SPAST: variants seen among roughly 807,000 people sequenced by gnomAD.
The protein encoded by SPAST is spastin.
In SPAST, 30 loss-of-function variants were observed where a neutral mutation model predicts 76.6. That is an observed-to-expected ratio of 0.39 (90% CI 0.29 to 0.53). SPAST has a LOEUF of 0.53. Ranked by LOEUF, SPAST falls within the 20% of genes least tolerant of loss-of-function variation. The pLI is 0.68. For synonymous variants in SPAST, 305 were observed against 281.0 expected (o/e 1.09, Z -0.86); for missense variants, 717 against 770.5 (o/e 0.93, Z 0.82).
In SPAST at chr2:32,081,248, C is replaced by T. The variant is rs1189629474; in HGVS notation, c.416-6244C>T. ...CTGGGATTACAGGCGTGAGCCACCT[C>T]ACCTGGCGTTTTTTTGTGTGTGTTT... On this transcript the variant is annotated intron_variant, in intron 1 of 16. Coordinates refer to ENST00000315285, the MANE Select transcript of SPAST (RefSeq NM_014946.4). 2.0e-5 allele frequency among the ~76,000 whole-genome samples: 3 copies of T among 152,050 alleles called. 1 individual carries two copies.
At chr2:32,104,089 G>A (rs1678226429) in intron 4 of SPAST, among the ~76,000 whole-genome samples, 1 of 152,130 alleles carries the variant, frequency 6.6e-6, no homozygotes, top group Admixed American at 6.5e-5. Flanking sequence ...GGGAGTCTAA[G>A]TCTCTTTGTA....
intron 3 of SPAST, among the ~76,000 whole-genome samples, chr2:32,094,694 G>C (rs977319853): frequency 3.9e-5 from 6 of 152,234 alleles, no homozygotes; most frequent in African/African-American, 2.4e-5. Context: ...AAGCAGCCCA[G>C]TGCAGTGGCT....
At position 32,063,561 on chromosome 2, in the gene SPAST, C is replaced by G. The variant is rs1304370107; in HGVS notation, c.-271C>G. 2.0e-6 allele frequency: 1 copy of G among 497,716 alleles called. No homozygotes were observed. Among genetic ancestry groups the G allele is most frequent in the Admixed American group, 3.9e-5 (1 of 25,436 alleles). The allele number at this position is 497,716 out of a possible 1,614,324, so 30.8% of individuals were successfully genotyped here. On this transcript the variant is annotated 5_prime_UTR_variant, in exon 1 of 17. Coordinates refer to ENST00000315285, the MANE Select transcript of SPAST (RefSeq NM_014946.4). ...ACGGGAAGACGTGCGCGTGCGCGGCCGCCGCTGGGAGCCACCAGGCGGCGG... is the reference window on the plus strand; with the variant it reads ...ACGGGAAGACGTGCGCGTGCGCGGCGGCCGCTGGGAGCCACCAGGCGGCGG...
intron 1 of SPAST, among the ~76,000 whole-genome samples, chr2:32,085,587 TATA>T (rs1677443170): frequency 6.6e-6 from 1 of 152,180 alleles, no homozygotes; most frequent in African/African-American, 2.4e-5. Flanking sequence ...AGCCGTAGTA[TATA>T]ATACTGATAA....
chr2:32,108,115 A>G (rs1678394668), intron 4 of SPAST, among the ~76,000 whole-genome samples: 1 of 152,196 alleles, frequency 6.6e-6, no homozygotes, highest in Non-Finnish European at 1.5e-5. Flanking sequence ...AAAGACTTCA[A>G]AGCAGCTATT....
chr2:32,123,539 T>G (rs1271338338), intron 7 of SPAST, among the ~76,000 whole-genome samples: 1 of 152,098 alleles, frequency 6.6e-6, no homozygotes, highest in Non-Finnish European at 1.5e-5. Context: ...AAAGTTTATA[T>G]GAAAAGGCAA....
At chr2:32,090,591 A>G (rs574696524) in intron 3 of SPAST, among the ~76,000 whole-genome samples, 68 of 152,302 alleles carry the variant, frequency 4.5e-4, no homozygotes, top group African/African-American at 1.6e-3. Flanking sequence ...TCAAAATTTA[A>G]TAATTTTTAC....
At position 32,115,753 on chromosome 2, in the gene SPAST, A is replaced by G; in HGVS notation, c.922A>G (p.Thr308Ala). 1 of 1,611,274 alleles carries G rather than the reference A, an allele frequency of 6.2e-7. No individual in the cohort carries two copies. Among genetic ancestry groups the G allele is most frequent in the Non-Finnish European group, 8.5e-7 (1 of 1,177,776 alleles). ...TNKPSTPTTATRKKKDLKNFR... is the reference protein window; with the variant it reads ...TNKPSTPTTAARKKKDLKNFR... ...TAAACCTTCTACCCCTACAACTGCTACTCGTAAGAAAAAAGACTTGAAGAA... is the reference window on the plus strand; with the variant it reads ...TAAACCTTCTACCCCTACAACTGCTGCTCGTAAGAAAAAAGACTTGAAGAA... Residue 308 changes from threonine to alanine, a missense_variant, in exon 6 of 17, where the codon ACT becomes GCT. Transcript: ENST00000315285.
chr2:32,147,300 G>A (rs1558343300), intron 16 of SPAST, 42 bp downstream of exon 16: 4 of 952,398 alleles, frequency 4.2e-6, no homozygotes, highest in South Asian at 2.6e-5. Context: ...CTTCTATATT[G>A]TAAGACATAT....
chr2:32,078,001 G>A (rs1277229321), intron 1 of SPAST: 1 of 150,804 alleles, frequency 6.6e-6, no homozygotes, highest in African/African-American at 2.4e-5. Context: ...GTTTTGTTTT[G>A]TTTTTTTGAG....
chr2:32,148,422 AGCACTTT>A (rs1184806269), intron 16 of SPAST, among the ~76,000 whole-genome samples: 1 of 152,016 alleles, frequency 6.6e-6, no homozygotes, highest in Non-Finnish European at 1.5e-5. Context: ...CTGTAATCCC[AGCACTTT>A]GGGAGGCCGA....
intron 4 of SPAST, among the ~76,000 whole-genome samples, chr2:32,105,137 G>C (rs1452967785): frequency 6.6e-6 from 1 of 152,104 alleles, no homozygotes; most frequent in Non-Finnish European, 1.5e-5. Flanking sequence ...ATTTCTTGGA[G>C]GTTCTGTTCG....
intron 7 of SPAST, among the ~76,000 whole-genome samples, chr2:32,118,795 T>C (rs953393137): frequency 4.6e-5 from 7 of 152,114 alleles, no homozygotes; most frequent in South Asian, 2.1e-4. Context: ...GACATGCTTT[T>C]TACGGTAGAA....
Position 32,155,120 on chromosome 2 carries a change from T to C in SPAST, c.*624T>C, listed in dbSNP as rs1680212096. ...CAATTGTTGTGTTCTTTTTACCTTT[T>C]ATTTTTCTATTACCTTGCTACCAAA... On this transcript the variant is annotated 3_prime_UTR_variant, in exon 17 of 17. Transcript: ENST00000315285. 6.5e-6 allele frequency: 1 copy of C among 153,128 alleles called. No individual in the cohort carries two copies. The highest frequency in any genetic ancestry group is 2.1e-4 in the South Asian group (1 of 4,860). The allele number at this position is 153,128 out of a possible 1,614,324, so 9.5% of individuals were successfully genotyped here. A position where few individuals can be genotyped will look rare whatever the true frequency, so the allele number is the denominator to read the frequency against.
intron 1 of SPAST, among the ~76,000 whole-genome samples, chr2:32,071,982 G>A (rs919506973): frequency 6.6e-6 from 1 of 152,202 alleles, no homozygotes; most frequent in African/African-American, 2.4e-5. Flanking sequence ...AAGCTTTGCA[G>A]GGCCATTTCA....
rs200669185 is a variant in SPAST at position 32,096,880 on chromosome 2, CA to C, written c.587-1903del. ...AAATCAGATGACCAACCTGTTAGCTCAAAAAAAAAAAAACCTCCAAGGTATA... is the reference window on the plus strand; with the variant it reads ...AAATCAGATGACCAACCTGTTAGCTCAAAAAAAAAAAACCTCCAAGGTATA... On this transcript the variant is annotated intron_variant, in intron 3 of 16. Transcript: ENST00000315285. Among the ~76,000 whole-genome samples, 350 of 133,062 alleles carry C rather than the reference CA, an allele frequency of 2.6e-3. 5 individuals carry two copies. The East Asian group carries it at 0.036, about 14-fold the overall frequency. 87.3% of individuals were successfully genotyped at this position (133,062 alleles called of 152,430 possible). A position where few individuals can be genotyped will look rare whatever the true frequency, so the allele number is the denominator to read the frequency against.
At chr2:32,083,237 T>G (rs1426727054) in intron 1 of SPAST, among the ~76,000 whole-genome samples, 1 of 152,166 alleles carries the variant, frequency 6.6e-6, no homozygotes, top group African/African-American at 2.4e-5. Context: ...ATTACAGGTG[T>G]GAGCCACCAT....
At chr2:32,079,264 C>T (rs1382516845) in intron 1 of SPAST, among the ~76,000 whole-genome samples, 2 of 151,958 alleles carry the variant, frequency 1.3e-5, no homozygotes, top group East Asian at 3.9e-4. Context: ...CGCCTGTAAT[C>T]GCAACATTTT....
At chr2:32,081,044 C>T (rs7577408) in intron 1 of SPAST, among the ~76,000 whole-genome samples, 61,764 of 151,690 alleles carry the variant, frequency 0.41, 12,897 homozygotes, top group East Asian at 0.64. Flanking sequence ...CCGCAGCCTC[C>T]GCCTCCTGGG....
Sources: gnomAD v4.1 joint callset for allele counts (sites outside exome capture counted in the v4.1 genomes callset) on GRCh38, gnomAD v4.1.1 for gene constraint, MANE v1.5 for transcripts, NCBI Gene and HGNC (gene_info 2026-07-23, HGNC 2026-07-21) for gene names.